TGM1: variants seen among roughly 807,000 people sequenced by gnomAD.
TGM1 encodes protein-glutamine gamma-glutamyltransferase K.
A neutral mutation model predicts 88.7 loss-of-function variants in TGM1; 63 were observed. The ratio of observed to expected loss-of-function variants is 0.71; its 90% CI spans 0.58 to 0.88. The LOEUF (loss-of-function observed/expected upper bound fraction) is 0.88, where lower values mean the gene tolerates loss of function less well. Among genes scored for constraint, TGM1 ranks in the 40% least tolerant of loss-of-function variants. The probability of loss-of-function intolerance (pLI) is 0.00; values close to 1 mark genes in which losing one functional copy is unlikely to be tolerated. For synonymous variants in TGM1, 415 were observed against 431.1 expected (o/e 0.96, Z 0.46); for missense variants, 996 against 1,118.0 (o/e 0.89, Z 1.56).
intron 14 of TGM1, among the ~76,000 whole-genome samples, chr14:24,253,840 C>A (rs1036097385): frequency 1.3e-5 from 2 of 152,124 alleles, no homozygotes; most frequent in Non-Finnish European, 2.9e-5. Context: ...CCTGAAAGGG[C>A]CTGGTCAATT....
intron 14 of TGM1, 136 bp from the exon 15 acceptor site, chr14:24,249,677 A>C: frequency 1.2e-6 from 1 of 837,724 alleles, no homozygotes; most frequent in East Asian, 2.7e-5. Context: ...TGAAATTTCC[A>C]CACCCAAGAC....
intron 14 of TGM1, among the ~76,000 whole-genome samples, chr14:24,250,458 C>T (rs1360179406): frequency 6.6e-6 from 1 of 152,166 alleles, no homozygotes; most frequent in African/African-American, 2.4e-5. Flanking sequence ...CACAGGCTCA[C>T]TCTGACCCAG....
intron 14 of TGM1, 42 bp from the exon 15 acceptor site, chr14:24,249,583 G>T (rs747268281): frequency 1.9e-6 from 3 of 1,561,574 alleles, no homozygotes; most frequent in African/African-American, 2.7e-5. Flanking sequence ...GTAATTGGGG[G>T]TGGAGTGGGG....
chr14:24,261,802 T>C lies in TGM1; in HGVS notation c.401A>G (p.Tyr134Cys), dbSNP rs147916609. Reference sequence around the variant, plus strand: ...GCGCACTATCAGCTCGTCGTACTCATACTCGTCTGTGTGGTGCTCTCGGCG... The same window carrying C: ...GCGCACTATCAGCTCGTCGTACTCACACTCGTCTGTGTGGTGCTCTCGGCG... ...QNRREHHTDE[Y>C]EYDELIVRRG... The change falls in exon 3 of 15, where the codon TAT becomes TGT. Residue 134 changes from tyrosine to cysteine, a missense_variant. Physicochemically the swap from Tyr to Cys is radical, Grantham distance 194. Transcript: ENST00000206765. 76 of 1,613,922 alleles carry C rather than the reference T, an allele frequency of 4.7e-5. No individual in the cohort carries two copies. The highest frequency in any genetic ancestry group is 6.3e-5 in the Non-Finnish European group (74 of 1,180,014).
At position 24,255,430 on chromosome 14, in the gene TGM1, T is replaced by G; in HGVS notation, c.1579A>C (p.Ile527Leu). 1 of 1,614,144 alleles carries G rather than the reference T, an allele frequency of 6.2e-7. No homozygotes were observed. Among genetic ancestry groups the G allele is most frequent in the Non-Finnish European group, 8.5e-7 (1 of 1,180,022 alleles). Reference protein sequence around the residue: ...YVEEKAIGTLIVTKAISSNMR... With the variant: ...YVEEKAIGTLLVTKAISSNMR... ...TTGGAGCTGATGGCCTTTGTGACAA[T>G]GAGTGTGCCGATGGCCTTCTCCTCC... is the stretch of plus-strand genomic sequence containing the variant. Residue 527 changes from isoleucine (I) to leucine (L), a missense_variant, in exon 11 of 15, where the codon ATT becomes CTT. Physicochemically the swap from Ile to Leu is conservative, Grantham distance 5. Transcript: ENST00000206765. The surrounding 1 kb of genome is among the most constrained non-coding windows in gnomAD (Gnocchi z 4.0).
rs750543171 is a variant in TGM1, at chr14:24,261,733, T to C, written c.470A>G (p.Tyr157Cys). The change falls in exon 3 of 15, where the codon TAT becomes TGT. Residue 157 changes from tyrosine to cysteine, a missense_variant. Transcript: ENST00000206765. ...AAGGGTGATGCGATCAGAGGATTCA[T>C]AGGTCCGGGACAGGAGGAGGAGCAT... The part of the protein sequence containing the change: ...FHMLLLLSRT[Y>C]ESSDRITLEL... The C allele has an allele frequency of 3.1e-6, 5 of 1,614,050 alleles. No homozygotes were observed. Among genetic ancestry groups the C allele is most frequent in the Admixed American group, 3.3e-5 (2 of 60,016 alleles).
intron 7 of TGM1, 109 bp downstream of exon 7, chr14:24,258,966 C>T (rs2040781573): frequency 7.6e-7 from 1 of 1,320,916 alleles, no homozygotes; most frequent in Admixed American, 1.9e-5. Flanking sequence ...TTACCCACCC[C>T]CGCCTGCACC....
chr14:24,251,663 CT>C (rs2065312799), intron 14 of TGM1, among the ~76,000 whole-genome samples: 1 of 152,184 alleles, frequency 6.6e-6, no homozygotes, highest in African/African-American at 2.4e-5. Flanking sequence ...ATCGTATTGC[CT>C]GGGCTTGAAA....
chr14:24,250,206 AACAC>A (rs137858640), intron 14 of TGM1, among the ~76,000 whole-genome samples: 31 of 139,760 alleles, frequency 2.2e-4, no homozygotes, highest in African/African-American at 7.8e-4. Flanking sequence ...TGGGTGGACA[AACAC>A]ACACACACAC....
chr14:24,260,624 C>T lies in TGM1; in HGVS notation c.583G>A (p.Ala195Thr). 1 of 1,614,212 alleles carries T rather than the reference C, an allele frequency of 6.2e-7. No homozygotes were observed. Residue 195 changes from alanine (A) to threonine (T), a missense_variant, in exon 4 of 15, where the codon GCC becomes ACC. Ala to Thr is a moderately conservative substitution (Grantham distance 58). Transcript: ENST00000206765. ...VGKGGSGGWKAQVVKASGQNL... is the reference protein window; with the variant it reads ...VGKGGSGGWKTQVVKASGQNL... The stretch of plus-strand genomic sequence containing the variant: ...TGCCCACTGGCCTTGACCACCTGGG[C>T]TTTCCAGCCTCCACTGCCCCCCTTG...
intron 3 of TGM1, among the ~76,000 whole-genome samples, 153 bp from the exon 4 acceptor site, chr14:24,260,851 G>C (rs2040802965): frequency 6.6e-6 from 1 of 152,178 alleles, no homozygotes; most frequent in Admixed American, 6.5e-5. Flanking sequence ...GTCTCCCTTA[G>C]AGCAGCTCTG....
At chr14:24,250,179 T>TGAGAGAGAGA (rs1555305392) in intron 14 of TGM1, among the ~76,000 whole-genome samples, 16 of 140,804 alleles carry the variant, frequency 1.1e-4, no homozygotes, top group Admixed American at 6.3e-4. Context: ...TGTGTGTGTG[T>TGAGAGAGAGA]GAGAGAGACA....
In TGM1 at chr14:24,259,338, C is replaced by A; in HGVS notation, c.985-89G>T. The A allele has an allele frequency of 7.8e-7, 1 of 1,275,256 alleles. No homozygotes were observed. The highest frequency in any genetic ancestry group is 1.3e-5 in the South Asian group (1 of 78,410). 79.0% of individuals were successfully genotyped at this position (1,275,256 alleles called of 1,614,324 possible). On this transcript the variant is annotated intron_variant, in intron 6 of 14. Transcript: ENST00000206765. The surrounding 1 kb of genome is among the most constrained non-coding windows in gnomAD (Gnocchi z 5.7). ...CATGGGGACCAGCCGGGCCCCGATC[C>A]TGCAACCACCCCTTACCCCTAAATG...
intron 3 of TGM1, 36 bp from the exon 4 acceptor site, chr14:24,260,734 T>C: frequency 6.2e-7 from 1 of 1,613,796 alleles, no homozygotes; most frequent in Middle Eastern, 1.6e-4. Flanking sequence ...TGGCAAGGCC[T>C]CCCTGAGGAG....
intron 14 of TGM1, among the ~76,000 whole-genome samples, chr14:24,250,179 T>TGTGTGAGAGAGAGAGA (rs138497842): frequency 1.1e-4 from 15 of 140,698 alleles, no homozygotes; most frequent in African/African-American, 4.0e-4. Flanking sequence ...TGTGTGTGTG[T>TGTGTGAGAGAGAGAGA]GAGAGAGACA....
intron 7 of TGM1, 135 bp from the exon 8 acceptor site, chr14:24,258,808 G>T: frequency 7.4e-7 from 1 of 1,351,822 alleles, no homozygotes; most frequent in Non-Finnish European, 1.0e-6. Context: ...GGCCACGGGG[G>T]CCACAAGGCC....
At position 24,259,837 on chromosome 14, in the gene TGM1, G is replaced by A; in HGVS notation, c.877-26C>T. The stretch of plus-strand genomic sequence containing the variant: ...CTGGAAGGAGGGATGGAGGGCAGAG[G>A]TGACAGCCTGAACCCTAGGCCAGCA... On this transcript the variant is annotated intron_variant, in intron 5 of 14. Transcript: ENST00000206765. The surrounding 1 kb of genome is among the most constrained non-coding windows in gnomAD (Gnocchi z 5.7). 6.2e-7 allele frequency: 1 copy of A among 1,611,326 alleles called. No homozygotes were observed. The highest frequency in any genetic ancestry group is 8.5e-7 in the Non-Finnish European group (1 of 1,178,502).
intron 3 of TGM1, 125 bp from the exon 4 acceptor site, chr14:24,260,823 T>C (rs971822259): frequency 8.5e-6 from 11 of 1,286,924 alleles, no homozygotes; most frequent in Non-Finnish European, 1.1e-5. Context: ...CGTTGGGCCA[T>C]CACCTTATTC....
At chr14:24,257,131 G>C (rs1211047879) in intron 9 of TGM1, among the ~76,000 whole-genome samples, 1 of 152,202 alleles carries the variant, frequency 6.6e-6, no homozygotes, top group Non-Finnish European at 1.5e-5. Flanking sequence ...GTCTGGGACA[G>C]GCTGTTTCAG....
Sources: gnomAD v4.1 joint callset for allele counts (sites outside exome capture counted in the v4.1 genomes callset) on GRCh38, gnomAD v4.1.1 for gene constraint, Gnocchi (gnomAD v3.1) non-coding constraint, MANE v1.5 for transcripts, NCBI Gene and HGNC (gene_info 2026-07-23, HGNC 2026-07-21) for gene names.